NSG1: variants seen among roughly 807,000 people sequenced by gnomAD.
The protein encoded by NSG1 is neuronal vesicle trafficking-associated protein 1.
In NSG1, 9 loss-of-function variants were observed where a neutral mutation model predicts 19.3. The ratio of observed to expected loss-of-function variants is 0.47; its 90% CI spans 0.28 to 0.81. The LOEUF (loss-of-function observed/expected upper bound fraction) is 0.81, where lower values mean the gene tolerates loss of function less well. Among genes scored for constraint, NSG1 ranks in the 40% least tolerant of loss-of-function variants. The probability of loss-of-function intolerance (pLI) is 0.11; values close to 1 mark genes in which losing one functional copy is unlikely to be tolerated. For missense variants in NSG1, 236 were observed against 242.4 expected (o/e 0.97, Z 0.18); for synonymous variants, 104 against 107.0 (o/e 0.97, Z 0.17).
intron 3 of NSG1, among the ~76,000 whole-genome samples, chr4:4,407,507 G>A (rs1723931719): frequency 6.6e-6 from 1 of 152,146 alleles, no homozygotes; most frequent in African/African-American, 2.4e-5. Context: ...TGTGCTGAGA[G>A]CCCCTGGGAC....
At chr4:4,387,506 C>T in intron 1 of NSG1, 98 bp from the exon 2 acceptor site, 1 of 794,682 alleles carries the variant, frequency 1.3e-6, no homozygotes, top group Non-Finnish European at 2.0e-6. Flanking sequence ...CCGGGGAGCT[C>T]GCGGACGCCG....
At chr4:4,386,992 C>G (rs1359175298), upstream of NSG1, 1 of 148,786 alleles carries the variant, frequency 6.7e-6, no homozygotes, top group Non-Finnish European at 1.5e-5. Flanking sequence ...CCCGCGCGCA[C>G]CCAGCCCCCG....
intron 4 of NSG1, among the ~76,000 whole-genome samples, chr4:4,414,963 AC>A (rs545141752): frequency 2.0e-5 from 3 of 150,070 alleles, no homozygotes; most frequent in Non-Finnish European, 4.5e-5. Flanking sequence ...AAAAAAAACA[AC>A]AACAACATGA....
intron 3 of NSG1, among the ~76,000 whole-genome samples, 200 bp from the exon 4 acceptor site, chr4:4,409,373 G>A (rs540292736): frequency 6.6e-6 from 1 of 152,356 alleles, no homozygotes; most frequent in Non-Finnish European, 1.5e-5. Context: ...TTATGAATAT[G>A]GTGAAAAATT....
intron 3 of NSG1, among the ~76,000 whole-genome samples, chr4:4,401,534 C>G (rs1023611611): frequency 6.6e-6 from 1 of 152,206 alleles, no homozygotes; most frequent in Non-Finnish European, 1.5e-5. Flanking sequence ...AGCTCCTCCT[C>G]CTTTGGGACA....
chr4:4,410,367 C>T (rs1724108473), intron 4 of NSG1, among the ~76,000 whole-genome samples: 1 of 152,210 alleles, frequency 6.6e-6, no homozygotes, highest in African/African-American at 2.4e-5. Flanking sequence ...GAGGCCTGGC[C>T]ACGCATCACT....
intron 3 of NSG1, among the ~76,000 whole-genome samples, chr4:4,407,162 T>G (rs1249714731): frequency 6.6e-6 from 1 of 152,038 alleles, no homozygotes; most frequent in African/African-American, 2.4e-5. Flanking sequence ...GGAGTTTCTC[T>G]GGCCCTTAGA....
chr4:4,388,995 C>A (rs576335332), intron 2 of NSG1, among the ~76,000 whole-genome samples: 1 of 152,364 alleles, frequency 6.6e-6, no homozygotes, highest in African/African-American at 2.4e-5. Context: ...TTCCACTCCA[C>A]CCCTCCCTGT....
chr4:4,407,383 C>G (rs1723924758), intron 3 of NSG1, among the ~76,000 whole-genome samples: 1 of 151,892 alleles, frequency 6.6e-6, no homozygotes. Context: ...TGGGTCTGAG[C>G]TGGGGAGATG....
At chr4:4,401,660 C>T (rs1348890959) in intron 3 of NSG1, among the ~76,000 whole-genome samples, 1 of 152,122 alleles carries the variant, frequency 6.6e-6, no homozygotes, top group Admixed American at 6.5e-5. Flanking sequence ...GACCGTACAG[C>T]CCTGCAGGGC....
chr4:4,391,431 T>C (rs1440613153), intron 2 of NSG1, 44 bp from the exon 3 acceptor site: 3 of 1,345,312 alleles, frequency 2.2e-6, no homozygotes, highest in Middle Eastern at 1.9e-4. Context: ...TGGGCAGATA[T>C]GTCTGAATGC....
chr4:4,387,016 G>A (rs1335750752), upstream of NSG1: 1 of 152,154 alleles, frequency 6.6e-6, no homozygotes, highest in Non-Finnish European at 1.5e-5. Flanking sequence ...GAGGCAGGAA[G>A]GGAGGCGGCG....
At position 4,417,567 on chromosome 4, in the gene NSG1, G is replaced by A. The variant is rs1724647526; in HGVS notation, c.*132G>A. On this transcript the variant is annotated 3_prime_UTR_variant, in exon 5 of 5. Transcript: ENST00000621129. ...GGTGCAATTGCTTCTGTTTGCTAAT[G>A]CTGCTTTGCAAATAAAACTTGCTGC... The A allele has an allele frequency of 2.2e-6, 2 of 910,396 alleles. No homozygotes were observed. The highest frequency in any genetic ancestry group is 1.7e-5 in the South Asian group (1 of 58,654). The allele number at this position is 910,396 out of a possible 1,614,324, so 56.4% of individuals were successfully genotyped here.
intron 3 of NSG1, among the ~76,000 whole-genome samples, chr4:4,399,876 C>G (rs1351010942): frequency 6.6e-6 from 1 of 152,196 alleles, no homozygotes; most frequent in East Asian, 1.9e-4. Flanking sequence ...CAATAGGGTT[C>G]ATGCTCCTAT....
In NSG1 at chr4:4,415,863, G is replaced by A. The variant is rs147340123; in HGVS notation, c.358-1372G>A. On this transcript the variant is annotated intron_variant, in intron 4 of 4. Coordinates refer to ENST00000621129, the MANE Select transcript of NSG1 (RefSeq NM_014392.5). ...AGAGGACAGCGTGAAGGGGCGTGGC[G>A]GTGAGGCTGGAGGGGAGTTTGTCTG... The A allele has an allele frequency of 4.1e-4, 212 of 520,754 alleles. 1 individual carries two copies. The highest frequency in any genetic ancestry group is 3.7e-3 in the African/African-American group (191 of 51,562). 32.3% of individuals were successfully genotyped at this position (520,754 alleles called of 1,614,324 possible).
chr4:4,387,816 C>T, intron 2 of NSG1, 58 bp downstream of exon 2: 1 of 1,459,610 alleles, frequency 6.9e-7, no homozygotes, highest in Non-Finnish European at 9.4e-7. Context: ...TCTCGCACGG[C>T]GGGCGCAACA....
chr4:4,409,902 G>A (rs998876870), intron 4 of NSG1, among the ~76,000 whole-genome samples: 7 of 152,208 alleles, frequency 4.6e-5, no homozygotes, highest in Non-Finnish European at 1.0e-4. Context: ...GAAACTCCCG[G>A]ACTTGGCCCC....
intron 2 of NSG1, among the ~76,000 whole-genome samples, chr4:4,388,225 T>C (rs1334170749): frequency 6.6e-6 from 1 of 152,322 alleles, no homozygotes; most frequent in Middle Eastern, 3.4e-3. Context: ...TCCCCAGGGC[T>C]GAATTGTTCT....
chr4:4,406,638 T>C (rs764946571), intron 3 of NSG1, among the ~76,000 whole-genome samples: 8 of 151,996 alleles, frequency 5.3e-5, no homozygotes, highest in Non-Finnish European at 8.8e-5. Context: ...AGAGTGAGGA[T>C]AACAGCAGCG....
Sources: gnomAD v4.1 joint callset for allele counts (sites outside exome capture counted in the v4.1 genomes callset) on GRCh38, gnomAD v4.1.1 for gene constraint, MANE v1.5 for transcripts, NCBI Gene and HGNC (gene_info 2026-07-23, HGNC 2026-07-21) for gene names.